Variants in YWHAZ observed in about 807,000 individuals in gnomAD.
YWHAZ encodes the protein tyrosine 3-monooxygenase/tryptophan 5-monooxygenase activation protein zeta, also known as 14-3-3 protein zeta/delta.
For synonymous variants in YWHAZ, 87 were observed against 103.6 expected (o/e 0.84, Z 0.97); for missense variants, 79 against 284.8 (o/e 0.28, Z 5.20).
At chr8:100,934,491 A>G (rs1439383742) in intron 2 of YWHAZ, among the ~76,000 whole-genome samples, 1 of 152,070 alleles carries the variant, frequency 6.6e-6, no homozygotes, top group Non-Finnish European at 1.5e-5. Flanking sequence ...ACCTGAGGTC[A>G]GGAGTTCGAG....
chr8:100,947,248 C>G (rs1385996128), intron 2 of YWHAZ, among the ~76,000 whole-genome samples: 1 of 140,488 alleles, frequency 7.1e-6, no homozygotes, highest in Non-Finnish European at 1.5e-5. Flanking sequence ...AGCAAGACTC[C>G]GTCTCAAAAA....
intron 2 of YWHAZ, among the ~76,000 whole-genome samples, chr8:100,939,381 T>C (rs1202247643): frequency 6.6e-6 from 1 of 152,164 alleles, no homozygotes; most frequent in Admixed American, 6.6e-5. Flanking sequence ...CATCTAACGC[T>C]GGGCACGGTG....
chr8:100,952,876 G>A, upstream of YWHAZ: 2 of 1,000,464 alleles, frequency 2.0e-6, no homozygotes, highest in Non-Finnish European at 2.4e-6. Context: ...AGCGGTCCTA[G>A]ACCTTTTATG....
In YWHAZ at chr8:100,917,223, TAATA is replaced by T. The variant is rs1336473625; in HGVS notation, c.*3466_*3469del. On this transcript the variant is annotated 3_prime_UTR_variant, in exon 6 of 6. Coordinates refer to ENST00000395958, the MANE Select transcript of YWHAZ (RefSeq NM_145690.3). ...TGGTGACTCTTTTGCAGGAAAAACATAATAAACAAATTGAGCCCCAAAATTAAGC... is the reference window on the plus strand; with the variant it reads ...TGGTGACTCTTTTGCAGGAAAAACATAACAAATTGAGCCCCAAAATTAAGC... 1.3e-5 allele frequency: 2 copies of T among 152,154 alleles called. No individual in the cohort carries two copies. Among genetic ancestry groups the T allele is most frequent in the African/African-American group, 2.4e-5 (1 of 41,426 alleles). 9.4% of individuals were successfully genotyped at this position (152,154 alleles called of 1,614,324 possible).
At position 100,919,765 on chromosome 8, in the gene YWHAZ, G is replaced by A. The variant is rs866960160; in HGVS notation, c.*928C>T. ...ACACGTGTTCTTAACAATTATGCTT[G>A]GATTGTTCATGAAAATTTCATAAGA... On this transcript the variant is annotated 3_prime_UTR_variant, in exon 6 of 6. Transcript: ENST00000395958. 1.3e-5 allele frequency: 2 copies of A among 152,004 alleles called. No individual in the cohort carries two copies. The highest frequency in any genetic ancestry group is 2.9e-5 in the Non-Finnish European group (2 of 67,962). The allele number at this position is 152,004 out of a possible 1,614,324, so 9.4% of individuals were successfully genotyped here.
At chr8:100,952,778 C>T, upstream of YWHAZ, 2 of 999,164 alleles carry the variant, frequency 2.0e-6, no homozygotes, top group South Asian at 4.7e-5. Flanking sequence ...CCGCCCGCCG[C>T]TCCCCTTCCC....
intron 2 of YWHAZ, among the ~76,000 whole-genome samples, chr8:100,927,543 C>T (rs1189150107): frequency 6.6e-6 from 1 of 152,136 alleles, no homozygotes; most frequent in Middle Eastern, 3.2e-3. Context: ...GTAACACTGC[C>T]TAATCACGTC....
chr8:100,924,095 A>G lies in YWHAZ; in HGVS notation c.582+40T>C. 6.2e-7 allele frequency: 1 copy of G among 1,608,062 alleles called. No homozygotes were observed. On this transcript the variant is annotated intron_variant, in intron 4 of 5. Transcript: ENST00000395958. This position sits in a 1 kb window ranked among gnomAD's most constrained non-coding sequence, Gnocchi z 5.7. ...CATTACATTTCAGTGCTCAAATAAT[A>G]AAGACTGCTAAATTTCTACGTAACA...
At chr8:100,950,615 C>G (rs1345207084) in intron 1 of YWHAZ, 16 of 985,222 alleles carry the variant, frequency 1.6e-5, no homozygotes, top group Non-Finnish European at 1.9e-5. Context: ...TCCCCCCGAC[C>G]GGAGCCAGAG....
At chr8:100,951,727 G>A in intron 1 of YWHAZ, 1 of 985,468 alleles carries the variant, frequency 1.0e-6, no homozygotes, top group Non-Finnish European at 1.2e-6. Flanking sequence ...GAAGCAAGGA[G>A]CCGGAGGCGG....
intron 2 of YWHAZ, among the ~76,000 whole-genome samples, chr8:100,927,965 G>A (rs192415674): frequency 6.6e-6 from 1 of 152,322 alleles, no homozygotes. Context: ...AAGTGTTTCT[G>A]GTGAGATGCT....
In YWHAZ at chr8:100,918,410, A is replaced by T. The variant is rs1298598699; in HGVS notation, c.*2283T>A. ...TCTAGCTATAAAATATAATTACTTTATATATATATATATATATATATATAT... is the reference window on the plus strand; with the variant it reads ...TCTAGCTATAAAATATAATTACTTTTTATATATATATATATATATATATAT... On this transcript the variant is annotated 3_prime_UTR_variant, in exon 6 of 6. Transcript: ENST00000395958. 3 of 48,698 alleles carry T rather than the reference A, an allele frequency of 6.2e-5. No individual in the cohort carries two copies. The highest frequency in any genetic ancestry group is 3.0e-4 in the African/African-American group (3 of 9,960). 3.0% of individuals were successfully genotyped at this position (48,698 alleles called of 1,614,324 possible).
chr8:100,922,974 C>A lies in YWHAZ; in HGVS notation c.678+981G>T, dbSNP rs191438314. The A allele has an allele frequency of 6.6e-6, 1 of 152,094 alleles. No individual in the cohort carries two copies. The highest frequency in any genetic ancestry group is 2.4e-5 in the African/African-American group (1 of 41,398). The allele number at this position is 152,094 out of a possible 1,614,324, so 9.4% of individuals were successfully genotyped here. A position where few individuals can be genotyped will look rare whatever the true frequency, so the allele number is the denominator to read the frequency against. On this transcript the variant is annotated intron_variant, in intron 5 of 5. Coordinates refer to ENST00000395958, the MANE Select transcript of YWHAZ (RefSeq NM_145690.3). The surrounding 1 kb of genome is among the most constrained non-coding windows in gnomAD (Gnocchi z 4.1). ...GTATCAGAAAAGTTTATAGATAGCT[C>A]CAAATTGTGCTAATAAAGTAATTTT...
intron 2 of YWHAZ, among the ~76,000 whole-genome samples, chr8:100,930,122 G>A (rs959902226): frequency 3.3e-5 from 5 of 152,168 alleles, no homozygotes; most frequent in Admixed American, 1.3e-4. Context: ...TATTTAGAAC[G>A]AAGTCTCGCT....
At chr8:100,943,171 T>C (rs1809996940) in intron 2 of YWHAZ, among the ~76,000 whole-genome samples, 1 of 152,234 alleles carries the variant, frequency 6.6e-6, no homozygotes, top group Non-Finnish European at 1.5e-5. Flanking sequence ...GGAAAAGGAA[T>C]GCTGGCTTTG....
At chr8:100,952,991 A>G, upstream of YWHAZ, 2 of 1,000,284 alleles carry the variant, frequency 2.0e-6, no homozygotes, top group African/African-American at 1.7e-5. Context: ...GCGCGAGGGG[A>G]CAATGGGTGG....
Position 100,924,379 on chromosome 8 carries a change from C to G in YWHAZ, c.419-81G>C. 1 of 1,394,982 alleles carries G rather than the reference C, an allele frequency of 7.2e-7. No individual in the cohort carries two copies. Among genetic ancestry groups the G allele is most frequent in the Non-Finnish European group, 9.7e-7 (1 of 1,034,814 alleles). The allele number at this position is 1,394,982 out of a possible 1,614,324, so 86.4% of individuals were successfully genotyped here. On this transcript the variant is annotated intron_variant, in intron 3 of 5. Coordinates refer to ENST00000395958, the MANE Select transcript of YWHAZ (RefSeq NM_145690.3). This position sits in a 1 kb window ranked among gnomAD's most constrained non-coding sequence, Gnocchi z 5.7. ...CTCAAACCAAACCTTTAATATCTCA[C>G]ATATCCTTTGAAATACTAACCTGTA...
intron 2 of YWHAZ, among the ~76,000 whole-genome samples, chr8:100,937,001 A>G (rs1386164219): frequency 1.3e-5 from 2 of 152,328 alleles, no homozygotes; most frequent in African/African-American, 4.8e-5. Context: ...GGAATTCTGG[A>G]GCAGAAACAG....
chr8:100,932,762 C>A (rs1166949359), intron 2 of YWHAZ, among the ~76,000 whole-genome samples: 1 of 152,128 alleles, frequency 6.6e-6, no homozygotes. Flanking sequence ...CAAATAACTG[C>A]AAGTGTTTTT....
Sources: allele counts gnomAD v4.1 joint callset (sites outside exome capture counted in the v4.1 genomes callset), GRCh38; gene constraint gnomAD v4.1.1; non-coding constraint Gnocchi (gnomAD v3.1); transcripts MANE v1.5; gene names NCBI Gene and HGNC (gene_info 2026-07-23, HGNC 2026-07-21).